Variants in MED26 observed in about 807,000 individuals in gnomAD.
MED26 encodes the protein mediator of RNA polymerase II transcription subunit 26.
A neutral mutation model predicts 43.7 loss-of-function variants in MED26; 7 were observed. The ratio of observed to expected loss-of-function variants is 0.16; its 90% CI spans 0.09 to 0.30. MED26 has a LOEUF of 0.30. Ranked by LOEUF, MED26 falls within the 10% of genes least tolerant of loss-of-function variation. MED26 has a pLI of 1.00. For missense variants in MED26, 784 were observed against 840.6 expected (o/e 0.93, Z 0.83); for synonymous variants, 375 against 371.1 (o/e 1.01, Z -0.12).
At position 16,577,385 on chromosome 19, in the gene MED26, G is replaced by A; in HGVS notation, c.445C>T (p.Arg149Cys). 10 of 1,607,950 alleles carry A rather than the reference G, an allele frequency of 6.2e-6. No homozygotes were observed. The highest frequency in any genetic ancestry group is 2.2e-5 in the South Asian group (2 of 90,926). The change falls in exon 3 of 3, where the codon CGC (arginine) becomes TGC (cysteine). Residue 149 changes from arginine (R) to cysteine (C), a missense_variant. By Grantham distance (180) the Arg-to-Cys change is radical (BLOSUM62 -3). Transcript: ENST00000263390. This position sits in a 1 kb window ranked among gnomAD's most constrained non-coding sequence, Gnocchi z 8.1. ...QRLDRLGSRK[R>C]RGDQRDLGHP... ...CCGAGGTCACGCTGGTCACCCCGGC[G>A]CTTGCGGCTGCCCAGCCTGTCCAGC...
intron 1 of MED26, among the ~76,000 whole-genome samples, chr19:16,595,139 C>T (rs1264854216): frequency 6.6e-6 from 1 of 152,176 alleles, no homozygotes; most frequent in Non-Finnish European, 1.5e-5. Flanking sequence ...TGTAGGAAAG[C>T]CCACAGTCCA....
chr19:16,618,729 T>C (rs898773641), intron 1 of MED26, among the ~76,000 whole-genome samples: 5 of 152,220 alleles, frequency 3.3e-5, no homozygotes, highest in African/African-American at 9.7e-5. Flanking sequence ...TGATGTCTCC[T>C]GGGAACATCC....
At chr19:16,610,851 T>C (rs1017939100) in intron 1 of MED26, 1 of 152,182 alleles carries the variant, frequency 6.6e-6, no homozygotes, top group Non-Finnish European at 1.5e-5. Context: ...GTATAATGGG[T>C]GGCCAGGAGA....
rs1221622761 is a variant in MED26, at chr19:16,587,573, G to A, written c.73-9164C>T. ...CTTCTCAGAGGAAGAATGACACTGGGAGGAACAATGACGGGAAGGTGCATG... is the reference window on the plus strand; with the variant it reads ...CTTCTCAGAGGAAGAATGACACTGGAAGGAACAATGACGGGAAGGTGCATG... On this transcript the variant is annotated intron_variant, in intron 1 of 2. Transcript: ENST00000263390. This position sits in a 1 kb window ranked among gnomAD's most constrained non-coding sequence, Gnocchi z 4.9. 2.0e-5 allele frequency: 3 copies of A among 152,270 alleles called. No individual in the cohort carries two copies. The East Asian group carries it at 5.8e-4, about 29-fold the overall frequency. The allele number at this position is 152,270 out of a possible 1,614,324, so 9.4% of individuals were successfully genotyped here. A position where few individuals can be genotyped will look rare whatever the true frequency, so the allele number is the denominator to read the frequency against.
At position 16,575,135 on chromosome 19, in the gene MED26, C is replaced by G. The variant is rs919962926; in HGVS notation, c.*892G>C. The G allele has an allele frequency of 1.3e-5, 2 of 152,510 alleles. No individual in the cohort carries two copies. Among genetic ancestry groups the G allele is most frequent in the Non-Finnish European group, 2.9e-5 (2 of 68,008 alleles). The allele number at this position is 152,510 out of a possible 1,614,324, so 9.4% of individuals were successfully genotyped here. On this transcript the variant is annotated 3_prime_UTR_variant, in exon 3 of 3. Transcript: ENST00000263390. ...GTTATGAGTGTTTCCAGCGTACAGA[C>G]AGGTCTTCCCCCTCGCCCCACAGTA...
chr19:16,579,139 T>C (rs371446097), intron 1 of MED26, among the ~76,000 whole-genome samples: 2 of 151,886 alleles, frequency 1.3e-5, no homozygotes, highest in Admixed American at 6.6e-5. Flanking sequence ...AACCAGTCAA[T>C]CTGAATCCAA....
chr19:16,614,753 C>T (rs61221757), intron 1 of MED26, among the ~76,000 whole-genome samples: 195 of 152,284 alleles, frequency 1.3e-3, no homozygotes, highest in African/African-American at 4.6e-3. Flanking sequence ...CAACAGACCC[C>T]TCGAACCATG....
At chr19:16,606,423 A>G (rs2086173532) in intron 1 of MED26, among the ~76,000 whole-genome samples, 2 of 152,170 alleles carry the variant, frequency 1.3e-5, no homozygotes, top group Admixed American at 1.3e-4. Flanking sequence ...GTGGTGGCGC[A>G]TGCCTGTAAT....
At chr19:16,626,306 C>T (rs545051746) in intron 1 of MED26, among the ~76,000 whole-genome samples, 1 of 152,288 alleles carries the variant, frequency 6.6e-6, no homozygotes, top group South Asian at 2.1e-4. Flanking sequence ...GCACAAGTCA[C>T]CAAGGCTATT....
At chr19:16,627,099 A>C (rs1425610113) in intron 1 of MED26, among the ~76,000 whole-genome samples, 1 of 152,044 alleles carries the variant, frequency 6.6e-6, no homozygotes, top group Non-Finnish European at 1.5e-5. Flanking sequence ...AGCCTACTGA[A>C]ACAGAGCTCT....
intron 1 of MED26, among the ~76,000 whole-genome samples, chr19:16,590,259 C>T (rs2122400934): frequency 6.6e-6 from 1 of 152,346 alleles, no homozygotes; most frequent in East Asian, 1.9e-4. Context: ...GCCCCCTCCA[C>T]CCCCAACAGG....
In MED26 at chr19:16,627,864, G is replaced by A. The variant is rs955473767; in HGVS notation, c.72+8C>T. On this transcript the variant is annotated splice_region_variant and intron_variant, in intron 1 of 2. Transcript: ENST00000263390. ...GCCTCCGTCCCAGCTCGCGCGGCGG[G>A]TACTTACGTTGCTCTGGGGGTCGAT... 2.7e-6 allele frequency: 4 copies of A among 1,489,038 alleles called. No individual in the cohort carries two copies. Among genetic ancestry groups the A allele is most frequent in the African/African-American group, 2.9e-5 (2 of 69,010 alleles). The allele number at this position is 1,489,038 out of a possible 1,614,324, so 92.2% of individuals were successfully genotyped here.
intron 1 of MED26, among the ~76,000 whole-genome samples, chr19:16,584,029 G>A (rs2086058697): frequency 6.6e-6 from 1 of 152,050 alleles, no homozygotes; most frequent in African/African-American, 2.4e-5. Context: ...ACAACTTCTC[G>A]CCCAAGACCA....
At chr19:16,622,153 T>C (rs1226024783) in intron 1 of MED26, among the ~76,000 whole-genome samples, 2 of 152,252 alleles carry the variant, frequency 1.3e-5, no homozygotes, top group African/African-American at 4.8e-5. Context: ...AGCCATCTCA[T>C]ATTCTTAAGA....
intron 1 of MED26, among the ~76,000 whole-genome samples, chr19:16,582,383 G>A (rs114202791): frequency 0.014 from 2,097 of 152,328 alleles, 49 homozygotes; most frequent in African/African-American, 0.048. Context: ...CCCGACCCCA[G>A]GCACACTGAG....
chr19:16,586,010 T>C lies in MED26; in HGVS notation c.73-7601A>G, dbSNP rs974950312. ...GAAACAAGGAACTGAGACTGAGTTT[T>C]GAGTCCCAGCAGCCCCTTGGCTTGC... is the stretch of plus-strand genomic sequence containing the variant. On this transcript the variant is annotated intron_variant, in intron 1 of 2. Coordinates refer to ENST00000263390, the MANE Select transcript of MED26 (RefSeq NM_004831.5). The surrounding 1 kb of genome is among the most constrained non-coding windows in gnomAD (Gnocchi z 5.1). Among the ~76,000 whole-genome samples, 1 of 152,238 alleles carries C rather than the reference T, an allele frequency of 6.6e-6. No individual in the cohort carries two copies. Among genetic ancestry groups the C allele is most frequent in the Non-Finnish European group, 1.5e-5 (1 of 68,036 alleles).
chr19:16,612,299 T>G (rs936153790), intron 1 of MED26: 1 of 152,220 alleles, frequency 6.6e-6, no homozygotes, highest in African/African-American at 2.4e-5. Context: ...TTGGTTTTTT[T>G]CTTGAGACAG....
chr19:16,617,354 C>T (rs1395865680), intron 1 of MED26, among the ~76,000 whole-genome samples: 1 of 152,166 alleles, frequency 6.6e-6, no homozygotes, highest in Non-Finnish European at 1.5e-5. Context: ...CCTGCTCCTT[C>T]GGAAACACCT....
At chr19:16,582,583 G>A (rs2086051221) in intron 1 of MED26, among the ~76,000 whole-genome samples, 1 of 152,154 alleles carries the variant, frequency 6.6e-6, no homozygotes, top group Admixed American at 6.5e-5. Flanking sequence ...TCATGGAGGT[G>A]GCCCTCTGTG....
Sources: gnomAD v4.1 joint callset for allele counts (sites outside exome capture counted in the v4.1 genomes callset) on GRCh38, gnomAD v4.1.1 for gene constraint, Gnocchi (gnomAD v3.1) non-coding constraint, MANE v1.5 for transcripts, NCBI Gene and HGNC (gene_info 2026-07-23, HGNC 2026-07-21) for gene names.